Variants in KIAA0232 observed in about 807,000 individuals in gnomAD.
KIAA0232 encodes uncharacterized protein KIAA0232.
A neutral mutation model predicts 122.0 loss-of-function variants in KIAA0232; 27 were observed. The ratio of observed to expected loss-of-function variants is 0.22; its 90% CI spans 0.16 to 0.31. The LOEUF is 0.31. Among genes scored for constraint, KIAA0232 ranks in the 10% least tolerant of loss-of-function variants. KIAA0232 has a pLI of 1.00. For synonymous variants in KIAA0232, 613 were observed against 587.6 expected, an observed-to-expected ratio of 1.04 and a Z score of -0.63; for missense variants, 1,551 against 1,634.2, an observed-to-expected ratio of 0.95 and a Z score of 0.88.
rs537963057 is a variant in KIAA0232, at chr4:6,822,766, C to CT, written c.-269-1406dup. 9.3e-3 allele frequency among the ~76,000 whole-genome samples: 1,271 copies of CT among 136,662 alleles called. 11 individuals carry two copies. Among genetic ancestry groups the CT allele is most frequent in the Admixed American group, 0.036 (489 of 13,768 alleles). The allele number at this position is 136,662 out of a possible 152,430, so 89.7% of individuals were successfully genotyped here. On this transcript the variant is annotated intron_variant, in intron 2 of 9. Transcript: ENST00000307659. ...CCTAGGTATATAAGAAGACAAGTTTCTTTTTTTTTTTTTAATTTATTATTA... is the reference window on the plus strand; with the variant it reads ...CCTAGGTATATAAGAAGACAAGTTTCTTTTTTTTTTTTTTAATTTATTATTA...
At chr4:6,877,992 A>G (rs1204891171) in intron 9 of KIAA0232, among the ~76,000 whole-genome samples, 4 of 152,210 alleles carry the variant, frequency 2.6e-5, no homozygotes, top group East Asian at 1.9e-4. Context: ...TAATACAGCT[A>G]TGCTTCATAC....
intron 3 of KIAA0232, among the ~76,000 whole-genome samples, chr4:6,832,827 A>G (rs1277516195): frequency 1.3e-5 from 2 of 152,146 alleles, no homozygotes; most frequent in African/African-American, 4.8e-5. Flanking sequence ...AGACCCCATA[A>G]TCACACACTG....
Position 6,871,723 on chromosome 4 carries a change from G to A in KIAA0232, c.3910+41G>A, listed in dbSNP as rs200650938. 1.7e-5 allele frequency: 20 copies of A among 1,200,046 alleles called. No individual in the cohort carries two copies. The East Asian group carries it at 4.0e-4, about 24-fold the overall frequency. 74.3% of individuals were successfully genotyped at this position (1,200,046 alleles called of 1,614,324 possible). On this transcript the variant is annotated intron_variant, in intron 8 of 9. Transcript: ENST00000307659. Reference sequence around the variant, plus strand: ...TTAGTTCATTTATTCATTGCAATTTGTAATTTGTTAAGAGCAATAATTTCT... The same window carrying A: ...TTAGTTCATTTATTCATTGCAATTTATAATTTGTTAAGAGCAATAATTTCT...
intron 2 of KIAA0232, among the ~76,000 whole-genome samples, chr4:6,813,230 ACAATTC>A (rs1219184110): frequency 2.6e-5 from 4 of 152,194 alleles, no homozygotes; most frequent in African/African-American, 9.6e-5. Flanking sequence ...CTTCTTCAAA[ACAATTC>A]CTCACTGCTC....
chr4:6,864,914 A>G (rs2108808802), intron 7 of KIAA0232, among the ~76,000 whole-genome samples: 1 of 152,286 alleles, frequency 6.6e-6, no homozygotes, highest in East Asian at 1.9e-4. Context: ...TTTACATATA[A>G]AACAAATTAT....
chr4:6,833,474 A>G (rs536623397), intron 3 of KIAA0232, among the ~76,000 whole-genome samples: 2 of 152,216 alleles, frequency 1.3e-5, no homozygotes, highest in South Asian at 2.1e-4. Context: ...TACAAATAAT[A>G]CAAAAATTAG....
At chr4:6,824,151 A>G in intron 2 of KIAA0232, 34 bp from the exon 3 acceptor site, 1 of 489,736 alleles carries the variant, frequency 2.0e-6, no homozygotes, top group Non-Finnish European at 3.6e-6. Flanking sequence ...ATTTATATAT[A>G]ATGCATACTT....
chr4:6,804,441 T>TA (rs1488298929), intron 1 of KIAA0232, 82 bp from the exon 2 acceptor site: 1 of 152,222 alleles, frequency 6.6e-6, no homozygotes, highest in Non-Finnish European at 1.5e-5. Context: ...GATTGCTTTG[T>TA]AAAGTGTTAA....
At position 6,842,085 on chromosome 4, in the gene KIAA0232, G is replaced by A; in HGVS notation, c.250G>A (p.Gly84Ser). Reference sequence around the variant, plus strand: ...ATTGCAGGAGAATGACATCTTCCTGGGCTGGGAAAAAGGAGCTTATAAGAA... The same window carrying A: ...ATTGCAGGAGAATGACATCTTCCTGAGCTGGGAAAAAGGAGCTTATAAGAA... ...LQEQENDIFL[G>S]WEKGAYKKWG... is the part of the protein sequence containing the mutation. The change falls in exon 4 of 10, where the codon GGC becomes AGC. Residue 84 changes from glycine to serine, a missense_variant. Physicochemically the swap from Gly to Ser is moderately conservative, Grantham distance 56. Around this residue, in one of 5 missense-constraint regions of KIAA0232, gnomAD observed 377 missense variants for 381.7 expected, o/e 0.99. Transcript: ENST00000307659. The A allele has an allele frequency of 6.2e-7, 1 of 1,613,354 alleles. No individual in the cohort carries two copies. The highest frequency in any genetic ancestry group is 1.6e-4 in the Middle Eastern group (1 of 6,062).
rs866556396 is a variant in KIAA0232, at chr4:6,844,484, C to T, written c.369+2280C>T. Among the ~76,000 whole-genome samples the T allele has an allele frequency of 5.5e-4, 84 of 151,912 alleles. 1 individual carries two copies. The highest frequency in any genetic ancestry group is 1.9e-3 in the African/African-American group (78 of 41,398). The stretch of plus-strand genomic sequence containing the variant: ...GACGACAGAGTCTTACTCTATTGCC[C>T]AGGCTGGAATGCAGTGACGCAAACC... On this transcript the variant is annotated intron_variant, in intron 4 of 9. Transcript: ENST00000307659.
At chr4:6,810,545 A>G (rs1298887786) in intron 2 of KIAA0232, among the ~76,000 whole-genome samples, 1 of 152,246 alleles carries the variant, frequency 6.6e-6, no homozygotes, top group Non-Finnish European at 1.5e-5. Flanking sequence ...TAAGACCTCA[A>G]AAACACAGGC....
chr4:6,849,880 A>G (rs1720183109), intron 4 of KIAA0232, among the ~76,000 whole-genome samples: 1 of 152,218 alleles, frequency 6.6e-6, no homozygotes. Context: ...AGACAGCTAA[A>G]TGGAGATTTT....
intron 9 of KIAA0232, among the ~76,000 whole-genome samples, chr4:6,879,689 T>G (rs2108859020): frequency 6.6e-6 from 1 of 152,218 alleles, no homozygotes; most frequent in South Asian, 2.1e-4. Context: ...TGTCCTGGGG[T>G]CCAGAGATGC....
rs1031902150 is a variant in KIAA0232, at chr4:6,881,217, T to C, written c.*251T>C. On this transcript the variant is annotated 3_prime_UTR_variant, in exon 10 of 10. Coordinates refer to ENST00000307659, the MANE Select transcript of KIAA0232 (RefSeq NM_014743.3). ...CTAGATTGTGTTGTCAAATCAAGAATGGGTGTGCATGTGCTTGTCTTAGAA... is the reference window on the plus strand; with the variant it reads ...CTAGATTGTGTTGTCAAATCAAGAACGGGTGTGCATGTGCTTGTCTTAGAA... 3.0e-6 allele frequency: 1 copy of C among 328,912 alleles called. No individual in the cohort carries two copies. The highest frequency in any genetic ancestry group is 5.5e-6 in the Non-Finnish European group (1 of 181,958). The allele number at this position is 328,912 out of a possible 1,614,324, so 20.4% of individuals were successfully genotyped here. A position where few individuals can be genotyped will look rare whatever the true frequency, so the allele number is the denominator to read the frequency against.
chr4:6,866,604 C>T (rs1159033345), intron 7 of KIAA0232, among the ~76,000 whole-genome samples: 1 of 152,154 alleles, frequency 6.6e-6, no homozygotes, highest in East Asian at 1.9e-4. Context: ...ACAGTCTTTT[C>T]AGGAAGCAAT....
intron 1 of KIAA0232, among the ~76,000 whole-genome samples, chr4:6,791,961 T>G (rs891236296): frequency 6.6e-5 from 10 of 152,166 alleles, no homozygotes; most frequent in African/African-American, 2.4e-4. Context: ...TCTCATGAGA[T>G]TTGATGGTTT....
intron 8 of KIAA0232, among the ~76,000 whole-genome samples, chr4:6,873,976 C>G (rs1050416655): frequency 1.3e-5 from 2 of 152,194 alleles, no homozygotes; most frequent in African/African-American, 2.4e-5. Flanking sequence ...TGATTCATCA[C>G]AAGCAGTTGC....
At chr4:6,798,341 G>A (rs1214732665) in intron 1 of KIAA0232, among the ~76,000 whole-genome samples, 2 of 152,164 alleles carry the variant, frequency 1.3e-5, no homozygotes, top group Non-Finnish European at 2.9e-5. Flanking sequence ...AATAACTATA[G>A]AGAGCCTAGG....
chr4:6,858,562 A>T (rs1252451008), intron 6 of KIAA0232, 56 bp downstream of exon 6: 9 of 1,113,406 alleles, frequency 8.1e-6, no homozygotes, highest in Non-Finnish European at 1.2e-5. Context: ...CAGATGAATA[A>T]CTGCTACATG....
Sources: gnomAD v4.1 joint callset for allele counts (sites outside exome capture counted in the v4.1 genomes callset) on GRCh38, gnomAD v4.1.1 for gene constraint, gnomAD v4.1.1 regional missense constraint, MANE v1.5 for transcripts, NCBI Gene and HGNC (gene_info 2026-07-23, HGNC 2026-07-21) for gene names.